Variants in CTNNA3 observed in about 807,000 individuals in gnomAD.
CTNNA3 encodes the protein catenin alpha-3.
CTNNA3 carries 76 observed loss-of-function variants against 95.7 expected under a neutral mutation model. The ratio of observed to expected loss-of-function variants is 0.79; its 90% CI spans 0.66 to 0.96. The LOEUF is 0.96. CTNNA3 is among the 40% of genes least tolerant of loss of function. The probability of loss-of-function intolerance (pLI) is 0.00; values close to 1 mark genes in which losing one functional copy is unlikely to be tolerated. For synonymous variants in CTNNA3, 431 were observed against 374.4 expected, an observed-to-expected ratio of 1.15 and a Z score of -1.74; for missense variants, 1,191 against 1,089.8, an observed-to-expected ratio of 1.09 and a Z score of -1.31.
intron 12 of CTNNA3, among the ~76,000 whole-genome samples, chr10:66,327,599 A>C (rs1051301515): frequency 6.6e-6 from 1 of 151,962 alleles, no homozygotes; most frequent in Non-Finnish European, 1.5e-5. Context: ...AGAATCAATT[A>C]CCCTATCAAT....
At chr10:66,529,320 T>C (rs921853318) in intron 10 of CTNNA3, among the ~76,000 whole-genome samples, 6 of 152,018 alleles carry the variant, frequency 3.9e-5, no homozygotes, top group African/African-American at 9.7e-5. Flanking sequence ...TTAGTAGATA[T>C]GGGGTTTCAC....
At chr10:67,046,467 T>C (rs7896376) in intron 7 of CTNNA3, among the ~76,000 whole-genome samples, 69,071 of 151,986 alleles carry the variant, frequency 0.45, 16,035 homozygotes, top group Middle Eastern at 0.61. Flanking sequence ...TGCAAGCTAA[T>C]AGACATTGCC....
rs1208742328 is a variant in CTNNA3, at chr10:66,346,228, TATATATATATATATATATAGAGAG to T, written c.1732+32900_1732+32923del. On this transcript the variant is annotated intron_variant, in intron 12 of 17. Coordinates refer to ENST00000433211, the MANE Select transcript of CTNNA3 (RefSeq NM_013266.4). ...GTGTGTGTGTATATATATATATATA[TATATATATATATATATATAGAGAG>T]AGAGAGAGAGAGAGAGAGAGAGAGA... Among the ~76,000 whole-genome samples the T allele has an allele frequency of 9.9e-3, 455 of 45,860 alleles. 2 individuals carry two copies. The highest frequency in any genetic ancestry group is 0.029 in the African/African-American group (414 of 14,196). 30.1% of individuals were successfully genotyped at this position (45,860 alleles called of 152,430 possible). A position where few individuals can be genotyped will look rare whatever the true frequency, so the allele number is the denominator to read the frequency against.
intron 13 of CTNNA3, among the ~76,000 whole-genome samples, chr10:66,222,200 T>C (rs2088969570): frequency 6.6e-6 from 1 of 152,200 alleles, no homozygotes; most frequent in Non-Finnish European, 1.5e-5. Flanking sequence ...TCTCTTTTCT[T>C]CTTTGATTTT....
intron 15 of CTNNA3, among the ~76,000 whole-genome samples, chr10:66,044,483 T>C (rs1274539773): frequency 6.6e-6 from 1 of 152,054 alleles, no homozygotes; most frequent in Non-Finnish European, 1.5e-5. Flanking sequence ...TCTCCTCCTC[T>C]CCGTACATGA....
intron 13 of CTNNA3, among the ~76,000 whole-genome samples, chr10:66,228,603 T>C (rs541884742): frequency 6.6e-6 from 1 of 152,108 alleles, no homozygotes; most frequent in Non-Finnish European, 1.5e-5. Context: ...ATGAGAACAA[T>C]GTGTACTTGT....
In CTNNA3 at chr10:67,272,159, C is replaced by T. The variant is rs1016941989; in HGVS notation, c.580-52289G>A. On this transcript the variant is annotated intron_variant, in intron 5 of 17. Transcript: ENST00000433211. ...AAATGCACTACTATACTTAACTATT[C>T]TATAATTCTGAAGTTGCCGTAATTT... 1.1e-4 allele frequency among the ~76,000 whole-genome samples: 17 copies of T among 152,244 alleles called. No homozygotes were observed. The East Asian group carries it at 2.7e-3, about 24-fold the overall frequency.
intron 13 of CTNNA3, among the ~76,000 whole-genome samples, chr10:66,108,825 T>A (rs1040264466): frequency 1.3e-5 from 2 of 152,216 alleles, no homozygotes; most frequent in Non-Finnish European, 2.9e-5. Flanking sequence ...ATGGGAACAT[T>A]TTTGAGCTGT....
chr10:67,726,564 A>ATATATTACATATTATATAATATATAATAT (rs1564841300), intron 1 of CTNNA3, among the ~76,000 whole-genome samples: 1 of 70,836 alleles, frequency 1.4e-5, no homozygotes, highest in African/African-American at 6.4e-5. Flanking sequence ...ATAATATAAT[A>ATATATTACATATTATATAATATATAATAT]TATATTACAT....
chr10:66,376,223 T>A (rs2092796154), intron 12 of CTNNA3, among the ~76,000 whole-genome samples: 1 of 152,162 alleles, frequency 6.6e-6, no homozygotes, highest in Non-Finnish European at 1.5e-5. Context: ...TTGTAAGCCT[T>A]CACAATACAG....
chr10:66,577,126 T>C (rs969823200), intron 10 of CTNNA3, among the ~76,000 whole-genome samples: 10 of 151,744 alleles, frequency 6.6e-5, no homozygotes, highest in Non-Finnish European at 1.3e-4. Flanking sequence ...CATGTATGTC[T>C]TTTTTTGAGA....
At chr10:66,756,871 C>T (rs768215853) in intron 9 of CTNNA3, among the ~76,000 whole-genome samples, 4 of 152,078 alleles carry the variant, frequency 2.6e-5, no homozygotes, top group Admixed American at 6.6e-5. Flanking sequence ...TGAGCCTTGT[C>T]TTTTCAAAAC....
chr10:67,230,902 A>C (rs1564495769), intron 5 of CTNNA3, among the ~76,000 whole-genome samples: 1 of 152,142 alleles, frequency 6.6e-6, no homozygotes, highest in Non-Finnish European at 1.5e-5. Context: ...CTAGTCAAAG[A>C]GAGGGGTGAC....
intron 7 of CTNNA3, among the ~76,000 whole-genome samples, chr10:66,899,343 C>A (rs74624193): frequency 6.6e-6 from 1 of 152,170 alleles, no homozygotes; most frequent in African/African-American, 2.4e-5. Flanking sequence ...CATGACCAAG[C>A]AATCCCACTT....
chr10:67,189,049 C>T (rs1862996150), intron 6 of CTNNA3, among the ~76,000 whole-genome samples: 1 of 151,648 alleles, frequency 6.6e-6, no homozygotes, highest in African/African-American at 2.4e-5. Context: ...CCCAAGAAGT[C>T]GAGGTTGTGG....
At chr10:66,539,666 A>G (rs1277202172) in intron 10 of CTNNA3, among the ~76,000 whole-genome samples, 2 of 152,118 alleles carry the variant, frequency 1.3e-5, no homozygotes, top group East Asian at 3.9e-4. Context: ...GAATAATGTT[A>G]GTGACAGCTA....
chr10:66,013,057 C>T (rs1026860160), intron 15 of CTNNA3, among the ~76,000 whole-genome samples: 3 of 152,156 alleles, frequency 2.0e-5, no homozygotes, highest in Admixed American at 6.5e-5. Context: ...TGTGCCATGA[C>T]ACCTGGCTAA....
chr10:67,299,453 T>C (rs1840178871), intron 5 of CTNNA3, among the ~76,000 whole-genome samples: 1 of 152,212 alleles, frequency 6.6e-6, no homozygotes, highest in Non-Finnish European at 1.5e-5. Context: ...TTAGAGTCTC[T>C]GGGGATCAGA....
chr10:66,722,830 T>TGGGCGGGGGA (rs1848670558), intron 9 of CTNNA3, among the ~76,000 whole-genome samples: 1 of 137,648 alleles, frequency 7.3e-6, no homozygotes, highest in African/African-American at 2.7e-5. Context: ...GTGGCGGGGG[T>TGGGCGGGGGA]GGGCGGGGGA....
Sources: gnomAD v4.1 joint callset for allele counts (sites outside exome capture counted in the v4.1 genomes callset) on GRCh38, gnomAD v4.1.1 for gene constraint, MANE v1.5 for transcripts, NCBI Gene and HGNC (gene_info 2026-07-23, HGNC 2026-07-21) for gene names.